DCAF8L2: variants seen among roughly 807,000 people sequenced by gnomAD.
DCAF8L2 encodes the protein DDB1- and CUL4-associated factor 8-like protein 2.
For synonymous variants in DCAF8L2, 200 were observed against 190.9 expected (o/e 1.05, Z -0.39); for missense variants, 430 against 490.7 (o/e 0.88, Z 1.17).
Position 27,748,227 on chromosome X carries a change from C to A in DCAF8L2, c.1332C>A (p.Asp444Glu), listed in dbSNP as rs747493517. The A allele has an allele frequency of 1.5e-4, 176 of 1,210,129 alleles. No individual in the cohort carries two copies. The highest frequency in any genetic ancestry group is 1.9e-4 in the Non-Finnish European group (173 of 895,130). ...GTELLASYND[D>E]DIYLFNSSHS... The stretch of plus-strand genomic sequence containing the variant: ...AGCTGCTAGCCAGCTACAATGATGA[C>A]GATATTTACCTCTTCAACTCCTCTC... The change falls in exon 5 of 5, where the codon GAC becomes GAA. Residue 444 changes from aspartate to glutamate, a missense_variant. Physicochemically the swap from Asp to Glu is conservative, Grantham distance 45 (BLOSUM62 2). Coordinates refer to ENST00000451261, the MANE Select transcript of DCAF8L2 (RefSeq NM_001353450.2).
At chrX:27,612,428 G>A (rs1460058878) in intron 1 of DCAF8L2, among the ~76,000 whole-genome samples, 1 of 112,051 alleles carries the variant, frequency 8.9e-6, no homozygotes, top group African/African-American at 3.2e-5. Context: ...TTCTTTTGCT[G>A]TGCAGAAGCT....
At chrX:27,680,652 T>C (rs1385762745) in intron 3 of DCAF8L2, among the ~76,000 whole-genome samples, 1 of 111,135 alleles carries the variant, frequency 9.0e-6, no homozygotes, top group Admixed American at 9.6e-5. Flanking sequence ...AACTGGAAAG[T>C]ATCAAAACTC....
At chrX:27,557,095 GT>G in the DCAF8L2 span, among the ~76,000 whole-genome samples, 8 of 112,374 alleles carry the variant, frequency 7.1e-5, no homozygotes, top group Admixed American at 9.5e-5. Flanking sequence ...TGTTTGAATT[GT>G]GCAAGTGATT....
chrX:27,608,022 C>G (rs1926986520), intron 1 of DCAF8L2, among the ~76,000 whole-genome samples: 1 of 111,381 alleles, frequency 9.0e-6, no homozygotes, highest in African/African-American at 3.2e-5. Flanking sequence ...GAAGTTATGA[C>G]ATAGTTCTTT....
chrX:27,610,874 G>A (rs937191871), intron 1 of DCAF8L2, among the ~76,000 whole-genome samples: 5 of 112,251 alleles, frequency 4.5e-5, no homozygotes, highest in Non-Finnish European at 7.5e-5. Flanking sequence ...TGCTGGACAT[G>A]GTATCATTGT....
chrX:27,564,905 C>G, the DCAF8L2 span, among the ~76,000 whole-genome samples: 5 of 109,195 alleles, frequency 4.6e-5, no homozygotes, highest in African/African-American at 1.7e-4. Context: ...TCCCAAACTC[C>G]AGGCCTCAAG....
At position 27,746,822 on chromosome X, in the gene DCAF8L2, C is replaced by G; in HGVS notation, c.-58-16C>G. On this transcript the variant is annotated splice_polypyrimidine_tract_variant and intron_variant, in intron 4 of 4. Transcript: ENST00000451261. The stretch of plus-strand genomic sequence containing the variant: ...CACTACCATCAGTCCTAACCGCAGG[C>G]CAACTTTCTTCCCAGAGCTTTTAGG... 1 of 1,049,488 alleles carries G rather than the reference C, an allele frequency of 9.5e-7. No homozygotes were observed. Among genetic ancestry groups the G allele is most frequent in the East Asian group, 3.1e-5 (1 of 32,000 alleles). 86.5% of individuals were successfully genotyped at this position (1,049,488 alleles called of 1,213,427 possible).
intron 2 of DCAF8L2, among the ~76,000 whole-genome samples, chrX:27,653,595 T>TTA (rs1929230988): frequency 9.0e-6 from 1 of 110,807 alleles, no homozygotes; most frequent in South Asian, 3.8e-4. Flanking sequence ...AAGGTCCTCT[T>TTA]TTAATAAACT....
At chrX:27,698,856 C>A (rs1030986167) in intron 3 of DCAF8L2, among the ~76,000 whole-genome samples, 2 of 111,641 alleles carry the variant, frequency 1.8e-5, no homozygotes, top group African/African-American at 3.3e-5. Flanking sequence ...TACTGTGGGG[C>A]AGACACTGTG....
At chrX:27,550,980 C>T in the DCAF8L2 span, among the ~76,000 whole-genome samples, 3 of 109,803 alleles carry the variant, frequency 2.7e-5, no homozygotes, top group South Asian at 4.0e-4. Context: ...CTTATGGTGA[C>T]CTGTGATCAT....
the DCAF8L2 span, among the ~76,000 whole-genome samples, chrX:27,521,593 T>C: frequency 1.8e-5 from 2 of 112,110 alleles, no homozygotes; most frequent in Non-Finnish European, 3.8e-5. Context: ...AAGACTGATG[T>C]TTTGTGGAGT....
At chrX:27,724,134 C>G (rs971659715) in intron 4 of DCAF8L2, among the ~76,000 whole-genome samples, 1 of 110,497 alleles carries the variant, frequency 9.1e-6, no homozygotes, top group African/African-American at 3.3e-5. Context: ...ACAAGACTTC[C>G]AAACATGCAT....
chrX:27,704,723 A>G (rs1931283510), intron 3 of DCAF8L2, among the ~76,000 whole-genome samples: 1 of 111,725 alleles, frequency 9.0e-6, no homozygotes, highest in South Asian at 3.7e-4. Context: ...GTTTGTAGTA[A>G]TGATTTCATT....
chrX:27,506,676 A>G, the DCAF8L2 span, among the ~76,000 whole-genome samples: 2 of 110,839 alleles, frequency 1.8e-5, no homozygotes, highest in Admixed American at 9.7e-5. Flanking sequence ...GTGTGTGTCC[A>G]GATTTCCCTT....
the DCAF8L2 span, among the ~76,000 whole-genome samples, chrX:27,533,206 G>GA: frequency 2.1e-5 from 1 of 48,721 alleles, no homozygotes; most frequent in Non-Finnish European, 4.8e-5. Flanking sequence ...AAGAAAGAAA[G>GA]AAAGAAAGAA....
chrX:27,534,371 A>G, the DCAF8L2 span, among the ~76,000 whole-genome samples: 1 of 112,120 alleles, frequency 8.9e-6, no homozygotes, highest in Non-Finnish European at 1.9e-5. Context: ...GATAGTTCAA[A>G]AATATGTAGA....
chrX:27,723,376 A>C (rs1234195955), intron 4 of DCAF8L2, among the ~76,000 whole-genome samples: 6 of 111,432 alleles, frequency 5.4e-5, no homozygotes, highest in Non-Finnish European at 9.5e-5. Flanking sequence ...AAACTCCTAG[A>C]AATCAAGAAT....
At chrX:27,517,943 G>T in the DCAF8L2 span, 1 of 1,199,787 alleles carries the variant, frequency 8.3e-7, no homozygotes, top group Non-Finnish European at 1.1e-6. Context: ...GTTTGCGTGA[G>T]GTCTGGTTTT....
intron 2 of DCAF8L2, among the ~76,000 whole-genome samples, chrX:27,676,142 G>A (rs1930131929): frequency 9.0e-6 from 1 of 111,339 alleles, no homozygotes; most frequent in Non-Finnish European, 1.9e-5. Context: ...TTCCACTGAA[G>A]TCTCCCCTGT....
Sources: gnomAD v4.1 joint callset for allele counts (sites outside exome capture counted in the v4.1 genomes callset) on GRCh38, gnomAD v4.1.1 for gene constraint, MANE v1.5 for transcripts, NCBI Gene and HGNC (gene_info 2026-07-23, HGNC 2026-07-21) for gene names.